Variants in DNAH5 observed in about 807,000 individuals in gnomAD.
The protein encoded by DNAH5 is axonemal beta dynein heavy chain 5.
In DNAH5, 372 loss-of-function variants were observed where a neutral mutation model predicts 518.2. That is an observed-to-expected ratio of 0.72 (90% CI 0.66 to 0.78). The LOEUF (loss-of-function observed/expected upper bound fraction) is 0.78, where lower values mean the gene tolerates loss of function less well. Among genes scored for constraint, DNAH5 ranks in the 30% least tolerant of loss-of-function variants. The pLI is 0.00. For synonymous variants in DNAH5, 2,039 were observed against 2,025.9 expected (o/e 1.01, Z -0.17); for missense variants, 5,523 against 5,687.0 (o/e 0.97, Z 0.93).
chr5:13,978,171 C>T (rs951422731), intron 1 of DNAH5, among the ~76,000 whole-genome samples: 2 of 152,346 alleles, frequency 1.3e-5, no homozygotes, highest in African/African-American at 2.4e-5. Flanking sequence ...AGAGAGACCT[C>T]GCACCAGAGC....
At position 13,830,657 on chromosome 5, in the gene DNAH5, C is replaced by T. The variant is rs769656114; in HGVS notation, c.6001G>A (p.Val2001Ile). 9 of 1,614,056 alleles carry T rather than the reference C, an allele frequency of 5.6e-6. No individual in the cohort carries two copies. Among genetic ancestry groups the T allele is most frequent in the African/African-American group, 2.7e-5 (2 of 74,918 alleles). Residue 2001 changes from valine to isoleucine, a missense_variant, in exon 36 of 79, where the codon GTC (valine) becomes ATC (isoleucine). Physicochemically the swap from Val to Ile is conservative, Grantham distance 29. Coordinates refer to ENST00000265104, the MANE Select transcript of DNAH5 (RefSeq NM_001369.3). ...TGGTCTGAACAATTGAAAACCACGA[C>T]GTATTTCCCGAGGCATCGTCCCATG... ...KDMGRCLGKYVVVFNCSDQMD... is the reference protein window; with the variant it reads ...KDMGRCLGKYIVVFNCSDQMD...
chr5:13,812,770 A>T (rs1040957600), intron 43 of DNAH5, among the ~76,000 whole-genome samples: 1 of 152,224 alleles, frequency 6.6e-6, no homozygotes, highest in African/African-American at 2.4e-5. Context: ...TGCATCTCAT[A>T]AATACCACTT....
At chr5:13,781,154 G>C (rs967802982) in intron 52 of DNAH5, among the ~76,000 whole-genome samples, 195 bp from the exon 53 acceptor site, 1 of 152,170 alleles carries the variant, frequency 6.6e-6, no homozygotes, top group African/African-American at 2.4e-5. Flanking sequence ...ATCAGACGGG[G>C]TGGGAACCGT....
chr5:13,847,525 G>C (rs982676452), intron 31 of DNAH5, among the ~76,000 whole-genome samples: 1 of 151,808 alleles, frequency 6.6e-6, no homozygotes, highest in Non-Finnish European at 1.5e-5. Flanking sequence ...TTTGAGACCA[G>C]CCTGGCCACC....
chr5:13,776,463 A>G lies in DNAH5; in HGVS notation c.9349T>C (p.Trp3117Arg), dbSNP rs778479522. Residue 3117 changes from tryptophan to arginine, a missense_variant, in exon 55 of 79, where the codon TGG becomes CGG. Physicochemically the swap from Trp to Arg is moderately radical, Grantham distance 101. Coordinates refer to ENST00000265104, the MANE Select transcript of DNAH5 (RefSeq NM_001369.3). Reference protein sequence around the residue: ...SGCTIDWFSRWPKDALVAVSE... With the variant: ...SGCTIDWFSRRPKDALVAVSE... Reference sequence around the variant, plus strand: ...CCAGCAACTAAAGCATCTTTGGGCCATCGGCTGAACCAGTCAATTGTGCAT... The same window carrying G: ...CCAGCAACTAAAGCATCTTTGGGCCGTCGGCTGAACCAGTCAATTGTGCAT... 3.1e-6 allele frequency: 5 copies of G among 1,613,842 alleles called. No homozygotes were observed. The highest frequency in any genetic ancestry group is 2.2e-5 in the South Asian group (2 of 91,080).
intron 75 of DNAH5, among the ~76,000 whole-genome samples, chr5:13,712,519 C>A (rs981087940): frequency 6.6e-6 from 1 of 152,164 alleles, no homozygotes; most frequent in African/African-American, 2.4e-5. Flanking sequence ...GAACAGTCAG[C>A]AGAGTGAACA....
intron 21 of DNAH5, among the ~76,000 whole-genome samples, chr5:13,878,791 C>A (rs1311929584): frequency 1.3e-5 from 2 of 152,180 alleles, no homozygotes; most frequent in Non-Finnish European, 2.9e-5. Context: ...GAGGATGCAG[C>A]CTGAACATGA....
intron 51 of DNAH5, among the ~76,000 whole-genome samples, chr5:13,788,322 G>A (rs1375492735): frequency 6.6e-6 from 1 of 152,188 alleles, no homozygotes; most frequent in East Asian, 1.9e-4. Context: ...TCCCCACGGT[G>A]CATGTGATGC....
At position 13,718,914 on chromosome 5, in the gene DNAH5, C is replaced by T; in HGVS notation, c.12467G>A (p.Gly4156Glu). 2 of 1,614,054 alleles carry T rather than the reference C, an allele frequency of 1.2e-6. No individual in the cohort carries two copies. Among genetic ancestry groups the T allele is most frequent in the Non-Finnish European group, 1.7e-6 (2 of 1,179,958 alleles). ...TGTTCTTTTCAGTCCTGCCCGGAGTCCTTGTGGAGGATCGTTGGCAAATTT... is the reference window on the plus strand; with the variant it reads ...TGTTCTTTTCAGTCCTGCCCGGAGTTCTTGTGGAGGATCGTTGGCAAATTT... ...SIKFANDPPQGLRAGLKRTYS... is the reference protein window; with the variant it reads ...SIKFANDPPQELRAGLKRTYS... Residue 4156 changes from glycine (G) to glutamate (E), a missense_variant, in exon 72 of 79, where the codon GGA becomes GAA. Gly to Glu is a moderately conservative substitution (Grantham distance 98). Coordinates refer to ENST00000265104, the MANE Select transcript of DNAH5 (RefSeq NM_001369.3).
intron 70 of DNAH5, among the ~76,000 whole-genome samples, chr5:13,723,634 A>G (rs2652768): frequency 0.58 from 88,518 of 152,110 alleles, 26,042 homozygotes; most frequent in African/African-American, 0.66. Context: ...AAAAGCAGTC[A>G]TAGGCACACA....
intron 74 of DNAH5, among the ~76,000 whole-genome samples, chr5:13,715,393 T>C (rs1744154896): frequency 6.6e-6 from 1 of 152,194 alleles, no homozygotes; most frequent in African/African-American, 2.4e-5. Flanking sequence ...TATAAAAATA[T>C]ATGTACAGGC....
chr5:13,854,255 T>C (rs1020660903), intron 30 of DNAH5, among the ~76,000 whole-genome samples: 1 of 152,180 alleles, frequency 6.6e-6, no homozygotes, highest in African/African-American at 2.4e-5. Flanking sequence ...CAGAATTTCA[T>C]ATCCAGCCAA....
intron 45 of DNAH5, among the ~76,000 whole-genome samples, chr5:13,809,831 G>T (rs770272331): frequency 4.6e-5 from 7 of 152,194 alleles, no homozygotes; most frequent in Admixed American, 4.6e-4. Flanking sequence ...TTAATTCATT[G>T]AAAGTTTAGT....
intron 1 of DNAH5, among the ~76,000 whole-genome samples, chr5:13,973,519 C>T (rs1265074870): frequency 6.6e-6 from 1 of 152,228 alleles, no homozygotes; most frequent in Non-Finnish European, 1.5e-5. Flanking sequence ...TCCTCTTCTG[C>T]TGTGGCTTCA....
chr5:13,916,332 T>C lies in DNAH5; in HGVS notation c.1197+16A>G. Reference sequence around the variant, plus strand: ...AAGAAATACAAATGAACATGGACTCTACATCATGCACTTACCTTTACAAAC... The same window carrying C: ...AAGAAATACAAATGAACATGGACTCCACATCATGCACTTACCTTTACAAAC... On this transcript the variant is annotated intron_variant, in intron 9 of 78. Coordinates refer to ENST00000265104, the MANE Select transcript of DNAH5 (RefSeq NM_001369.3). 1 of 1,315,280 alleles carries C rather than the reference T, an allele frequency of 7.6e-7. No individual in the cohort carries two copies. Among genetic ancestry groups the C allele is most frequent in the South Asian group, 1.2e-5 (1 of 84,802 alleles). The allele number at this position is 1,315,280 out of a possible 1,614,324, so 81.5% of individuals were successfully genotyped here.
intron 68 of DNAH5, among the ~76,000 whole-genome samples, chr5:13,732,720 C>T (rs145855178): frequency 3.9e-5 from 6 of 152,248 alleles, no homozygotes; most frequent in Admixed American, 2.0e-4. Context: ...GCCCCTATGA[C>T]CTAATCACCT....
At chr5:13,961,550 G>A (rs1304633541) in intron 1 of DNAH5, among the ~76,000 whole-genome samples, 1 of 152,020 alleles carries the variant, frequency 6.6e-6, no homozygotes, top group Non-Finnish European at 1.5e-5. Flanking sequence ...AAGCTGAGGC[G>A]GGAGAATCAC....
intron 1 of DNAH5, among the ~76,000 whole-genome samples, chr5:13,991,524 G>A (rs541408604): frequency 1.0e-3 from 150 of 149,408 alleles, no homozygotes; most frequent in African/African-American, 3.6e-3. Flanking sequence ...GGAAGAGGAG[G>A]GGAGGAGGGG....
intron 1 of DNAH5, among the ~76,000 whole-genome samples, chr5:13,972,172 GCCC>G (rs1781919461): frequency 6.6e-6 from 1 of 152,144 alleles, no homozygotes; most frequent in African/African-American, 2.4e-5. Context: ...CCTACCGTGG[GCCC>G]CCAACAGCAG....
Sources: gnomAD v4.1 joint callset for allele counts (sites outside exome capture counted in the v4.1 genomes callset) on GRCh38, gnomAD v4.1.1 for gene constraint, MANE v1.5 for transcripts, NCBI Gene and HGNC (gene_info 2026-07-23, HGNC 2026-07-21) for gene names.